ANKRD28: variants seen among roughly 807,000 people sequenced by gnomAD.
ANKRD28 encodes the protein ankyrin repeat domain 28.
Under a neutral mutation model 126.5 loss-of-function variants are expected in ANKRD28, and 44 were observed. The ratio of observed to expected loss-of-function variants is 0.35; its 90% CI spans 0.27 to 0.45. The LOEUF (loss-of-function observed/expected upper bound fraction) is 0.45, where lower values mean the gene tolerates loss of function less well. ANKRD28 is among the 20% of genes least tolerant of loss of function. ANKRD28 has a pLI of 1.00. For missense variants in ANKRD28, 1,110 were observed against 1,316.6 expected (o/e 0.84, Z 2.43); for synonymous variants, 442 against 468.5 (o/e 0.94, Z 0.73).
At chr3:15,793,791 C>T (rs1473463438) in intron 2 of ANKRD28, among the ~76,000 whole-genome samples, 4 of 152,204 alleles carry the variant, frequency 2.6e-5, no homozygotes, top group African/African-American at 7.2e-5. Flanking sequence ...CATGGCCCGG[C>T]ACAGTGCCTC....
intron 14 of ANKRD28, among the ~76,000 whole-genome samples, chr3:15,704,017 C>T (rs1575259526): frequency 6.6e-6 from 1 of 152,236 alleles, no homozygotes; most frequent in East Asian, 1.9e-4. Context: ...CAGCCCTCAA[C>T]CTTTCCTTCT....
Position 15,854,044 on chromosome 3 carries a change from T to C in ANKRD28, c.27+5333A>G, listed in dbSNP as rs921765343. Among the ~76,000 whole-genome samples the C allele has an allele frequency of 5.3e-5, 8 of 152,356 alleles. No homozygotes were observed. Among genetic ancestry groups the C allele is most frequent in the African/African-American group, 1.7e-4 (7 of 41,584 alleles). The stretch of plus-strand genomic sequence containing the variant: ...AACTGGTCCTGGGTGTCCCTGTTTG[T>C]CTGCCTTTTGTAATCTACTCTTCCA... On this transcript the variant is annotated intron_variant, in intron 1 of 27. Coordinates refer to the ANKRD28 transcript ENST00000399451. The surrounding 1 kb of genome is among the most constrained non-coding windows in gnomAD (Gnocchi z 4.1).
intron 2 of ANKRD28, among the ~76,000 whole-genome samples, chr3:15,792,890 A>G (rs2060101261): frequency 6.6e-6 from 1 of 152,128 alleles, no homozygotes; most frequent in South Asian, 2.1e-4. Flanking sequence ...AGAAAAATCT[A>G]TTAGGTGTGT....
Position 15,721,056 on chromosome 3 carries a change from C to T in ANKRD28, c.855G>A (p.Val285=). ...VACYNGQDVV[V]NELIDCGAIV... ...TAGCACCACAGTCTATAAGTTCATT[C>T]ACTACAACATCTTGTCCATTATAGC... Residue 285 remains valine, a synonymous_variant, in exon 8 of 28, where the codon GTG becomes GTA. Coordinates refer to ENST00000683139, the MANE Select transcript of ANKRD28 (RefSeq NM_001349278.2). 2 of 1,613,834 alleles carry T rather than the reference C, an allele frequency of 1.2e-6. No homozygotes were observed. Among genetic ancestry groups the T allele is most frequent in the Non-Finnish European group, 8.5e-7 (1 of 1,179,812 alleles).
chr3:15,766,184 A>G (rs763575140), intron 3 of ANKRD28, 50 bp downstream of exon 3: 6 of 1,414,494 alleles, frequency 4.2e-6, no homozygotes, highest in Non-Finnish European at 5.9e-6. Flanking sequence ...AAACATTAAG[A>G]ATAACAAAAA....
Position 15,670,228 on chromosome 3 carries a change from A to C in ANKRD28, c.*42T>G. The C allele has an allele frequency of 1.3e-6, 2 of 1,581,112 alleles. No homozygotes were observed. Among genetic ancestry groups the C allele is most frequent in the Non-Finnish European group, 1.7e-6 (2 of 1,160,562 alleles). ...AAGTGCCTTTTTCCTGAAAAAGCAC[A>C]GTTTGAAGCTTTACTGTGAGAACTC... On this transcript the variant is annotated 3_prime_UTR_variant, in exon 28 of 28. Coordinates refer to ENST00000683139, the MANE Select transcript of ANKRD28 (RefSeq NM_001349278.2).
At chr3:15,828,877 T>A (rs539576538) in intron 1 of ANKRD28, among the ~76,000 whole-genome samples, 3 of 152,192 alleles carry the variant, frequency 2.0e-5, no homozygotes, top group African/African-American at 4.8e-5. Context: ...CTTAATTTTA[T>A]ATAGATAAGA....
At chr3:15,821,898 G>C (rs535957971) in intron 1 of ANKRD28, among the ~76,000 whole-genome samples, 1 of 152,166 alleles carries the variant, frequency 6.6e-6, no homozygotes, top group Non-Finnish European at 1.5e-5. Flanking sequence ...CACCATGCTT[G>C]GAGATTCCTA....
At chr3:15,751,629 C>T (rs1380764557) in intron 4 of ANKRD28, 121 bp downstream of exon 4, 2 of 686,714 alleles carry the variant, frequency 2.9e-6, no homozygotes, top group East Asian at 3.1e-5. Context: ...AGTAAAATGA[C>T]CAGTCAAGGT....
chr3:15,738,075 G>A (rs1478223270), intron 4 of ANKRD28, among the ~76,000 whole-genome samples: 1 of 152,130 alleles, frequency 6.6e-6, no homozygotes, highest in African/African-American at 2.4e-5. Context: ...AAGGAATTCA[G>A]TATGCCATCA....
Position 15,859,332 on chromosome 3 carries a change from T to G in ANKRD28, c.27+45A>C, listed in dbSNP as rs958351640. On this transcript the variant is annotated intron_variant, in intron 1 of 27. Transcript: ENST00000399451. ...ACACCGCCGGTCCGCCCTGCTTCCC[T>G]TCCTTCCCGGACGGCGCGATCCCGC... is the stretch of plus-strand genomic sequence containing the variant. 3.3e-6 allele frequency: 5 copies of G among 1,517,160 alleles called. No individual in the cohort carries two copies. In the African/African-American group the frequency reaches 4.3e-5, roughly 13 times the overall value. 94.0% of individuals were successfully genotyped at this position (1,517,160 alleles called of 1,614,324 possible).
chr3:15,850,190 TAAAAAA>T (rs1238069051), intron 1 of ANKRD28, among the ~76,000 whole-genome samples: 588 of 31,898 alleles, frequency 0.018, 8 homozygotes, highest in African/African-American at 0.042. Flanking sequence ...CTACATGCAA[TAAAAAA>T]AAAAAAAAAT....
chr3:15,759,271 T>C (rs1256731637), intron 3 of ANKRD28, among the ~76,000 whole-genome samples: 4 of 152,186 alleles, frequency 2.6e-5, no homozygotes, highest in Non-Finnish European at 5.9e-5. Flanking sequence ...ACTAGCAGTA[T>C]AAAAACTTTG....
chr3:15,757,219 T>C (rs1270201954), intron 3 of ANKRD28, among the ~76,000 whole-genome samples: 1 of 152,196 alleles, frequency 6.6e-6, no homozygotes, highest in Non-Finnish European at 1.5e-5. Context: ...GTTTATGTTA[T>C]TAGTAAGGCT....
Position 15,797,201 on chromosome 3 carries a change from A to C in ANKRD28, c.-680T>G, listed in dbSNP as rs1337022131. Reference sequence around the variant, plus strand: ...TTCAGTGTTTGGGAAAGGGGCAAAAAACAAAAACAAAAAAAAAAAAACCAC... The same window carrying C: ...TTCAGTGTTTGGGAAAGGGGCAAAACACAAAAACAAAAAAAAAAAAACCAC... On this transcript the variant is annotated 5_prime_UTR_variant, in exon 1 of 28. Coordinates refer to ENST00000683139, the MANE Select transcript of ANKRD28 (RefSeq NM_001349278.2). The C allele has an allele frequency of 2.2e-6, 2 of 922,496 alleles. No homozygotes were observed. Among genetic ancestry groups the C allele is most frequent in the East Asian group, 3.8e-4 (2 of 5,260 alleles). 57.1% of individuals were successfully genotyped at this position (922,496 alleles called of 1,614,324 possible).
chr3:15,749,093 A>ATTTTTTT (rs1559466121), intron 4 of ANKRD28, among the ~76,000 whole-genome samples: 1 of 57,806 alleles, frequency 1.7e-5, no homozygotes, highest in East Asian at 1.4e-3. Context: ...ATTCTATATT[A>ATTTTTTT]TGTTTTTGTT....
rs1338153742 is a variant in ANKRD28, at chr3:15,667,548, T to TA, written c.*2721dup. ...GAACAGGGCCTGAATGCTTTAGACA[T>TA]ACAAGGTGTAACCATAAAGGAAATT... is the stretch of plus-strand genomic sequence containing the variant. On this transcript the variant is annotated 3_prime_UTR_variant, in exon 28 of 28. Transcript: ENST00000683139. The TA allele has an allele frequency of 2.0e-5, 3 of 152,254 alleles. No homozygotes were observed. Among genetic ancestry groups the TA allele is most frequent in the African/African-American group, 7.2e-5 (3 of 41,478 alleles). The allele number at this position is 152,254 out of a possible 1,614,324, so 9.4% of individuals were successfully genotyped here.
At chr3:15,760,966 T>A (rs186058651) in intron 3 of ANKRD28, among the ~76,000 whole-genome samples, 202 of 152,286 alleles carry the variant, frequency 1.3e-3, no homozygotes, top group African/African-American at 4.6e-3. Context: ...TATTTCCTAA[T>A]TTTTAATCAC....
At chr3:15,825,266 A>G (rs2061035150) in intron 1 of ANKRD28, among the ~76,000 whole-genome samples, 1 of 152,260 alleles carries the variant, frequency 6.6e-6, no homozygotes, top group Non-Finnish European at 1.5e-5. Flanking sequence ...GGCAGACGAT[A>G]GGCATGAGGT....
Sources: gnomAD v4.1 joint callset for allele counts (sites outside exome capture counted in the v4.1 genomes callset) on GRCh38, gnomAD v4.1.1 for gene constraint, Gnocchi (gnomAD v3.1) non-coding constraint, MANE v1.5 for transcripts, NCBI Gene and HGNC (gene_info 2026-07-23, HGNC 2026-07-21) for gene names.